MAN1A1: variants seen among roughly 807,000 people sequenced by gnomAD.
MAN1A1 encodes mannosidase alpha class 1A member 1.
In MAN1A1, 29 loss-of-function variants were observed where a neutral mutation model predicts 70.8. The ratio of observed to expected loss-of-function variants is 0.41; its 90% CI spans 0.31 to 0.56. The LOEUF (loss-of-function observed/expected upper bound fraction) is 0.56. MAN1A1 is among the 20% of genes least tolerant of loss of function. MAN1A1 has a pLI of 0.29. For synonymous variants in MAN1A1, 349 were observed against 330.1 expected, an observed-to-expected ratio of 1.06 and a Z score of -0.62; for missense variants, 747 against 841.3, an observed-to-expected ratio of 0.89 and a Z score of 1.39.
chr6:119,259,206 C>T (rs1350332814), intron 5 of MAN1A1, among the ~76,000 whole-genome samples: 1 of 152,142 alleles, frequency 6.6e-6, no homozygotes, highest in Non-Finnish European at 1.5e-5. Context: ...ATTCATTCTC[C>T]TTCTGAGTTG....
chr6:119,217,104 C>G (rs778180245), intron 6 of MAN1A1, among the ~76,000 whole-genome samples: 1 of 152,108 alleles, frequency 6.6e-6, no homozygotes, highest in Non-Finnish European at 1.5e-5. Flanking sequence ...AAGAGTATGT[C>G]CTAATACACA....
intron 11 of MAN1A1, among the ~76,000 whole-genome samples, chr6:119,184,792 T>A (rs191896438): frequency 6.6e-6 from 1 of 152,310 alleles, no homozygotes; most frequent in Non-Finnish European, 1.5e-5. Flanking sequence ...TGAGACATTA[T>A]ATAATCTATG....
At chr6:119,243,380 A>C (rs1447946239) in intron 6 of MAN1A1, among the ~76,000 whole-genome samples, 1 of 152,080 alleles carries the variant, frequency 6.6e-6, no homozygotes, top group Non-Finnish European at 1.5e-5. Flanking sequence ...CTGTTAGCAA[A>C]TTTAATAATG....
intron 2 of MAN1A1, among the ~76,000 whole-genome samples, chr6:119,320,327 T>C (rs530382607): frequency 3.5e-4 from 53 of 152,280 alleles, no homozygotes; most frequent in African/African-American, 1.2e-3. Flanking sequence ...AAACTAAAGT[T>C]TGAACCACCA....
intron 11 of MAN1A1, 127 bp downstream of exon 11, chr6:119,188,278 G>T (rs1773346009): frequency 2.4e-6 from 2 of 840,512 alleles, no homozygotes; most frequent in East Asian, 2.6e-5. Context: ...ACACAGTCCT[G>T]GGTGGAAAAA....
chr6:119,201,302 C>T lies in MAN1A1; in HGVS notation c.1162G>A (p.Gly388Ser). Reference protein sequence around the residue: ...TVLNKLEKPQGLYPNYLNPSS... With the variant: ...TVLNKLEKPQSLYPNYLNPSS... ...GGATTCAGATAGTTAGGATAAAGGC[C>T]TTGTGGTTTTTCCAGTTTGTTCAGT... Residue 388 changes from glycine (G) to serine (S), a missense_variant, in exon 8 of 13, where the codon GGC becomes AGC. By Grantham distance (56) the Gly-to-Ser change is moderately conservative. Around this residue, in one of 2 missense-constraint regions of MAN1A1, gnomAD observed 419 missense variants for 548.2 expected, o/e 0.76. Transcript: ENST00000368468. The T allele has an allele frequency of 6.2e-7, 1 of 1,613,650 alleles. No individual in the cohort carries two copies. The highest frequency in any genetic ancestry group is 1.1e-5 in the South Asian group (1 of 91,074).
At chr6:119,317,662 A>T (rs195050) in intron 2 of MAN1A1, among the ~76,000 whole-genome samples, 13,726 of 152,186 alleles carry the variant, frequency 0.09, 945 homozygotes, top group Admixed American at 0.23. Flanking sequence ...ATTGAGGAAC[A>T]TCTTTGTTGC....
intron 2 of MAN1A1, among the ~76,000 whole-genome samples, chr6:119,326,503 T>G (rs1488948973): frequency 6.6e-6 from 1 of 152,248 alleles, no homozygotes; most frequent in Non-Finnish European, 1.5e-5. Context: ...ATGCCTGCCT[T>G]GGCCTACTCT....
intron 6 of MAN1A1, among the ~76,000 whole-genome samples, chr6:119,217,918 A>G (rs1276311052): frequency 4.6e-5 from 7 of 152,224 alleles, no homozygotes; most frequent in Admixed American, 2.0e-4. Flanking sequence ...TGTTTCAATT[A>G]GTAGTAGCTC....
chr6:119,262,526 T>G (rs915526254), intron 5 of MAN1A1, among the ~76,000 whole-genome samples: 2 of 151,828 alleles, frequency 1.3e-5, no homozygotes, highest in African/African-American at 4.8e-5. Flanking sequence ...TACTCACTGC[T>G]GGTGGGAATG....
intron 5 of MAN1A1, among the ~76,000 whole-genome samples, chr6:119,252,993 G>A (rs560491489): frequency 6.6e-6 from 1 of 151,894 alleles, no homozygotes; most frequent in Admixed American, 6.6e-5. Flanking sequence ...AAGTTGGAAA[G>A]GTGAAAAAAC....
intron 2 of MAN1A1, among the ~76,000 whole-genome samples, chr6:119,322,022 A>G (rs1773024508): frequency 6.6e-6 from 1 of 152,306 alleles, no homozygotes; most frequent in Admixed American, 6.5e-5. Flanking sequence ...AGGAGATCAC[A>G]GCTTCCTGAG....
At chr6:119,241,318 T>C (rs947723064) in intron 6 of MAN1A1, among the ~76,000 whole-genome samples, 5 of 152,216 alleles carry the variant, frequency 3.3e-5, no homozygotes, top group African/African-American at 1.2e-4. Flanking sequence ...ACACAGGCCC[T>C]ACTCCTGCTT....
At chr6:119,323,101 A>T (rs1462132640) in intron 2 of MAN1A1, among the ~76,000 whole-genome samples, 2 of 152,238 alleles carry the variant, frequency 1.3e-5, no homozygotes, top group Non-Finnish European at 2.9e-5. Flanking sequence ...CAGAAAAACA[A>T]ACTAGTCAAA....
At chr6:119,328,169 C>T (rs1163735232) in intron 2 of MAN1A1, among the ~76,000 whole-genome samples, 1 of 152,226 alleles carries the variant, frequency 6.6e-6, no homozygotes, top group Admixed American at 6.5e-5. Flanking sequence ...AAAGAAAACA[C>T]ACCACACAAC....
At chr6:119,192,404 C>T (rs1223288763) in intron 9 of MAN1A1, among the ~76,000 whole-genome samples, 1 of 152,160 alleles carries the variant, frequency 6.6e-6, no homozygotes, top group Admixed American at 6.5e-5. Flanking sequence ...TGTAGGCCAA[C>T]GTTCTCACTA....
chr6:119,198,694 G>A (rs1337926376), intron 8 of MAN1A1, among the ~76,000 whole-genome samples: 1 of 152,034 alleles, frequency 6.6e-6, no homozygotes, highest in African/African-American at 2.4e-5. Flanking sequence ...TCACATTTTT[G>A]CATATCTCTT....
chr6:119,279,634 G>A (rs1776175934), intron 5 of MAN1A1, among the ~76,000 whole-genome samples: 1 of 152,104 alleles, frequency 6.6e-6, no homozygotes, highest in African/African-American at 2.4e-5. Flanking sequence ...TCCTTGTCTT[G>A]TATTTAACAG....
chr6:119,198,814 A>G lies in MAN1A1; in HGVS notation c.1210+2440T>C, dbSNP rs189991671. On this transcript the variant is annotated intron_variant, in intron 8 of 12. Coordinates refer to ENST00000368468, the MANE Select transcript of MAN1A1 (RefSeq NM_005907.4). ...ACATCAAGACAAGTCAGCCTCACAC[A>G]GTAATACAGTCAGAAAAAGAAAGGA... is the stretch of plus-strand genomic sequence containing the variant. Among the ~76,000 whole-genome samples the G allele has an allele frequency of 1.4e-3, 219 of 152,338 alleles. 1 individual carries two copies. Among genetic ancestry groups the G allele is most frequent in the African/African-American group, 5.0e-3 (210 of 41,588 alleles).
Sources: allele counts gnomAD v4.1 joint callset (sites outside exome capture counted in the v4.1 genomes callset), GRCh38; gene constraint gnomAD v4.1.1; regional missense constraint gnomAD v4.1.1; transcripts MANE v1.5; gene names NCBI Gene and HGNC (gene_info 2026-07-23, HGNC 2026-07-21).